LDLRAD4: variants seen among roughly 807,000 people sequenced by gnomAD.
The protein encoded by LDLRAD4 is low-density lipoprotein receptor class A domain-containing protein 4.
LDLRAD4 carries 5 observed loss-of-function variants against 17.0 expected under a neutral mutation model. The observed-to-expected ratio is 0.29, with a 90% CI of 0.15 to 0.62. The LOEUF is 0.62. LDLRAD4 is among the 20% of genes least tolerant of loss of function. The pLI is 0.84. For synonymous variants in LDLRAD4, 168 were observed against 171.8 expected (o/e 0.98, Z 0.17); for missense variants, 340 against 424.7 (o/e 0.80, Z 1.75).
chr18:13,245,501 C>A (rs373123796), intron 1 of LDLRAD4, among the ~76,000 whole-genome samples: 10 of 152,266 alleles, frequency 6.6e-5, no homozygotes, highest in Admixed American at 3.9e-4. Context: ...TATGTGAAAC[C>A]GAGGATCGGG....
At chr18:13,415,918 G>A (rs2088851623) in intron 2 of LDLRAD4, among the ~76,000 whole-genome samples, 2 of 152,372 alleles carry the variant, frequency 1.3e-5, no homozygotes. Flanking sequence ...GAGCCTTCCA[G>A]GATGGAGGTT....
rs1599679844 is a variant in LDLRAD4, at chr18:13,362,799, A to G, written c.-382-24542A>G. On this transcript the variant is annotated intron_variant, in intron 1 of 5. Coordinates refer to ENST00000359446, the Ensembl canonical transcript of LDLRAD4. ...GGGCAGGAAGGATCCTTCTGACTCTATGAAAATTACCCAAGAGGGAAGTGG... is the reference window on the plus strand; with the variant it reads ...GGGCAGGAAGGATCCTTCTGACTCTGTGAAAATTACCCAAGAGGGAAGTGG... Among the ~76,000 whole-genome samples the G allele has an allele frequency of 2.6e-5, 4 of 152,220 alleles. No homozygotes were observed. The South Asian group carries it at 8.3e-4, about 31-fold the overall frequency.
intron 3 of LDLRAD4, among the ~76,000 whole-genome samples, chr18:13,617,282 C>T (rs918965758): frequency 1.3e-5 from 2 of 152,128 alleles, no homozygotes; most frequent in Non-Finnish European, 2.9e-5. Context: ...CAACTGAGAT[C>T]TTTCTTATCC....
chr18:13,590,003 AC>A (rs1354694066), intron 3 of LDLRAD4, among the ~76,000 whole-genome samples: 2 of 149,882 alleles, frequency 1.3e-5, no homozygotes, highest in African/African-American at 2.5e-5. Flanking sequence ...GGGGGTGTGC[AC>A]GTGTGTGGCT....
chr18:13,563,969 A>G (rs1442777390), intron 3 of LDLRAD4, among the ~76,000 whole-genome samples: 1 of 151,976 alleles, frequency 6.6e-6, no homozygotes, highest in Admixed American at 6.6e-5. Context: ...GTGATGGTAT[A>G]ATTATAGCTC....
chr18:13,347,505 T>A (rs2144271755), intron 1 of LDLRAD4, among the ~76,000 whole-genome samples: 1 of 152,344 alleles, frequency 6.6e-6, no homozygotes, highest in Admixed American at 6.5e-5. Context: ...GCCCTTAAAA[T>A]TTTTTCCTTC....
intron 1 of LDLRAD4, among the ~76,000 whole-genome samples, chr18:13,248,786 T>C (rs189946701): frequency 2.0e-5 from 3 of 152,318 alleles, no homozygotes; most frequent in East Asian, 3.9e-4. Context: ...TCCTAGCTAA[T>C]TGAAATTGTA....
At chr18:13,315,912 C>G (rs2080907878) in intron 1 of LDLRAD4, among the ~76,000 whole-genome samples, 1 of 151,802 alleles carries the variant, frequency 6.6e-6, no homozygotes, top group South Asian at 2.1e-4. Context: ...AGAGTGAACT[C>G]TGCACTGTAG....
At chr18:13,396,908 A>G (rs965910733) in intron 2 of LDLRAD4, among the ~76,000 whole-genome samples, 1 of 152,270 alleles carries the variant, frequency 6.6e-6, no homozygotes, top group Non-Finnish European at 1.5e-5. Flanking sequence ...GAGATTGTAC[A>G]GAAGAAAATA....
intron 2 of LDLRAD4, among the ~76,000 whole-genome samples, chr18:13,401,164 G>A (rs180774004): frequency 4.3e-4 from 66 of 152,144 alleles, no homozygotes; most frequent in Admixed American, 2.3e-3. Context: ...CAGAGGACTC[G>A]GGCTGGAACA....
chr18:13,472,762 C>T (rs967179721), intron 3 of LDLRAD4: 1 of 152,250 alleles, frequency 6.6e-6, no homozygotes, highest in African/African-American at 2.4e-5. Context: ...GTTCTATTCT[C>T]ATGAATAATC....
At chr18:13,474,487 C>T (rs900861535) in intron 3 of LDLRAD4, among the ~76,000 whole-genome samples, 2 of 152,242 alleles carry the variant, frequency 1.3e-5, no homozygotes, top group Admixed American at 1.3e-4. Context: ...CCATTGCTCC[C>T]TCCATGCAGG....
intron 1 of LDLRAD4, among the ~76,000 whole-genome samples, chr18:13,251,970 A>G (rs76634547): frequency 1.3e-5 from 2 of 152,336 alleles, no homozygotes; most frequent in East Asian, 1.9e-4. Context: ...AACCCTCATG[A>G]CTAAAAGAAG....
At chr18:13,478,391 G>A (rs1432336081) in intron 3 of LDLRAD4, among the ~76,000 whole-genome samples, 1 of 152,208 alleles carries the variant, frequency 6.6e-6, no homozygotes, top group Non-Finnish European at 1.5e-5. Context: ...AATCCATTCT[G>A]AACATCAACT....
chr18:13,599,200 TG>T (rs1405817880), intron 3 of LDLRAD4, among the ~76,000 whole-genome samples: 1 of 152,148 alleles, frequency 6.6e-6, no homozygotes, highest in Admixed American at 6.5e-5. Context: ...CTTGTTTTTT[TG>T]CCACACCCAC....
chr18:13,345,166 C>T (rs11659711), intron 1 of LDLRAD4, among the ~76,000 whole-genome samples: 30,159 of 152,032 alleles, frequency 0.2, 3,654 homozygotes, highest in South Asian at 0.27. Flanking sequence ...TGCCAGTTTT[C>T]GAAGGGAATG....
chr18:13,307,950 A>G (rs532199086), intron 1 of LDLRAD4, among the ~76,000 whole-genome samples: 3 of 152,322 alleles, frequency 2.0e-5, no homozygotes, highest in East Asian at 1.9e-4. Context: ...AAGGGCAACT[A>G]TCAGATGGTT....
Position 13,300,107 on chromosome 18 carries a change from T to C in LDLRAD4, c.-383+21919T>C, listed in dbSNP as rs1210767854. Among the ~76,000 whole-genome samples the C allele has an allele frequency of 3.3e-5, 5 of 152,186 alleles. No homozygotes were observed. The highest frequency in any genetic ancestry group is 2.6e-4 in the Admixed American group (4 of 15,288). ...TCACAGCCCATGTGGCTCTGCCCCA[T>C]GCTTCACACATCTTGGTTCCTGCAA... On this transcript the variant is annotated intron_variant, in intron 1 of 5. Coordinates refer to ENST00000359446, the Ensembl canonical transcript of LDLRAD4. The surrounding 1 kb of genome is among the most constrained non-coding windows in gnomAD (Gnocchi z 4.2).
intron 3 of LDLRAD4, among the ~76,000 whole-genome samples, chr18:13,531,722 C>A (rs2094130811): frequency 6.6e-6 from 1 of 151,678 alleles, no homozygotes. Context: ...TGGGCTGGAA[C>A]CCTGATGGGC....
Sources: allele counts gnomAD v4.1 joint callset (sites outside exome capture counted in the v4.1 genomes callset), GRCh38; gene constraint gnomAD v4.1.1; non-coding constraint Gnocchi (gnomAD v3.1); transcripts MANE v1.5; gene names NCBI Gene and HGNC (gene_info 2026-07-23, HGNC 2026-07-21).